Variants in TAFA2 observed in about 807,000 individuals in gnomAD.
TAFA2 encodes the protein TAFA chemokine like family member 2.
Under a neutral mutation model 18.8 loss-of-function variants are expected in TAFA2, and 7 were observed. The ratio of observed to expected loss-of-function variants is 0.37; its 90% confidence interval spans 0.21 to 0.70. The LOEUF (loss-of-function observed/expected upper bound fraction) is 0.70, where lower values mean the gene tolerates loss of function less well. TAFA2 is among the 30% of genes least tolerant of loss of function. TAFA2 has a pLI of 0.53. For missense variants in TAFA2, 122 were observed against 158.1 expected, an observed-to-expected ratio of 0.77 and a Z score of 1.23; for synonymous variants, 60 against 54.2, an observed-to-expected ratio of 1.11 and a Z score of -0.47.
rs147310897 is a variant in TAFA2 at position 62,086,265 on chromosome 12, C to A, written c.-2+104994G>T. Reference sequence around the variant, plus strand: ...GATTGTTTGGATATGACATCAAAAGCAGAGGCAACAGAAGAAAAAAATAGG... The same window carrying A: ...GATTGTTTGGATATGACATCAAAAGAAGAGGCAACAGAAGAAAAAAATAGG... On this transcript the variant is annotated intron_variant, in intron 1 of 4. Coordinates refer to ENST00000416284, the MANE Select transcript of TAFA2 (RefSeq NM_178539.5). 2.0e-3 allele frequency among the ~76,000 whole-genome samples: 299 copies of A among 151,280 alleles called. 1 individual carries two copies. The highest frequency in any genetic ancestry group is 6.6e-3 in the African/African-American group (273 of 41,322).
chr12:62,170,827 T>C (rs1248372979), intron 1 of TAFA2, among the ~76,000 whole-genome samples: 5 of 152,206 alleles, frequency 3.3e-5, no homozygotes, highest in Admixed American at 3.3e-4. Context: ...CTACACTCTG[T>C]GTTCATGTGT....
intron 2 of TAFA2, among the ~76,000 whole-genome samples, chr12:61,782,514 G>A (rs1316017487): frequency 6.6e-6 from 1 of 151,546 alleles, no homozygotes; most frequent in Non-Finnish European, 1.5e-5. Flanking sequence ...GATGTCTTTT[G>A]TCTCCCCAAA....
intron 1 of TAFA2, among the ~76,000 whole-genome samples, chr12:62,216,918 C>A (rs925324414): frequency 6.6e-6 from 1 of 152,152 alleles, no homozygotes; most frequent in Admixed American, 6.5e-5. Context: ...CATATGCATT[C>A]CAGAGTGCGG....
intron 1 of TAFA2, among the ~76,000 whole-genome samples, chr12:62,053,250 CA>C (rs1882102240): frequency 6.6e-6 from 1 of 152,052 alleles, no homozygotes; most frequent in Non-Finnish European, 1.5e-5. Context: ...TGCTACAACC[CA>C]GAGTAATATT....
intron 1 of TAFA2, chr12:62,145,781 CT>C (rs2062276158): frequency 6.6e-6 from 1 of 152,216 alleles, no homozygotes; most frequent in Admixed American, 6.5e-5. Flanking sequence ...AATTCTCTAG[CT>C]GATTCAGCAA....
chr12:61,887,825 A>G (rs1875455912), intron 1 of TAFA2, among the ~76,000 whole-genome samples: 1 of 151,444 alleles, frequency 6.6e-6, no homozygotes, highest in South Asian at 2.1e-4. Flanking sequence ...TTCTTAATCC[A>G]GTCTATCGTT....
intron 2 of TAFA2, among the ~76,000 whole-genome samples, chr12:61,773,867 T>TA (rs1437825888): frequency 4.6e-5 from 7 of 151,960 alleles, no homozygotes; most frequent in Non-Finnish European, 7.4e-5. Context: ...TTAATTAAAC[T>TA]AAAAAGCTTC....
intron 1 of TAFA2, among the ~76,000 whole-genome samples, chr12:62,113,370 G>A (rs529949773): frequency 6.6e-6 from 1 of 152,152 alleles, no homozygotes; most frequent in Non-Finnish European, 1.5e-5. Flanking sequence ...TCATCCCAGA[G>A]AGCCACCCAC....
intron 4 of TAFA2, among the ~76,000 whole-genome samples, chr12:61,749,114 A>T (rs1339640979): frequency 1.3e-5 from 2 of 151,766 alleles, no homozygotes; most frequent in Non-Finnish European, 2.9e-5. Context: ...AAAAATAAAA[A>T]AAAAAAAAAA....
At chr12:61,870,182 T>A (rs1874537938) in intron 1 of TAFA2, among the ~76,000 whole-genome samples, 1 of 152,200 alleles carries the variant, frequency 6.6e-6, no homozygotes, top group Non-Finnish European at 1.5e-5. Flanking sequence ...TTTCGTAACA[T>A]CGTCACTCCT....
chr12:61,760,881 A>T (rs959595514), intron 2 of TAFA2, among the ~76,000 whole-genome samples: 18 of 151,988 alleles, frequency 1.2e-4, no homozygotes, highest in Admixed American at 5.9e-4. Flanking sequence ...CAAAAAAAAA[A>T]AAAAAATTCT....
At chr12:62,002,138 G>A (rs559652991) in intron 1 of TAFA2, among the ~76,000 whole-genome samples, 2 of 152,164 alleles carry the variant, frequency 1.3e-5, no homozygotes, top group South Asian at 2.1e-4. Flanking sequence ...CTGCAATTAG[G>A]TCCTGTAGTG....
chr12:61,947,466 T>A (rs918505241), intron 1 of TAFA2, among the ~76,000 whole-genome samples: 6 of 149,894 alleles, frequency 4.0e-5, no homozygotes. Context: ...ATTTAAAAAA[T>A]AAATAAATAA....
At chr12:62,241,273 ACTATCC>A (rs1481300611) in intron 1 of TAFA2, among the ~76,000 whole-genome samples, 1 of 152,192 alleles carries the variant, frequency 6.6e-6, no homozygotes. Context: ...TTGGACTGTA[ACTATCC>A]CTATTTTTCT....
chr12:61,739,831 T>C (rs1312197966), intron 4 of TAFA2, among the ~76,000 whole-genome samples: 1 of 152,062 alleles, frequency 6.6e-6, no homozygotes, highest in East Asian at 1.9e-4. Flanking sequence ...GGGGTTGAGA[T>C]TTCTAATCAT....
rs1869240096 is a variant in TAFA2 at position 61,708,384 on chromosome 12, C to A, written c.*2022G>T. 1 of 151,790 alleles carries A rather than the reference C, an allele frequency of 6.6e-6. No individual in the cohort carries two copies. Among genetic ancestry groups the A allele is most frequent in the Non-Finnish European group, 1.5e-5 (1 of 67,922 alleles). The allele number at this position is 151,790 out of a possible 1,614,324, so 9.4% of individuals were successfully genotyped here. ...TTCCATGTTTTTTTTCTATTATATG[C>A]ATGTATTACACTTGTATATAATACA... On this transcript the variant is annotated 3_prime_UTR_variant, in exon 5 of 5. Transcript: ENST00000416284.
intron 2 of TAFA2, among the ~76,000 whole-genome samples, chr12:61,839,899 G>T (rs1247322116): frequency 6.6e-6 from 1 of 151,970 alleles, no homozygotes. Context: ...ATAAGAGAAG[G>T]ATCAGAGTCA....
At chr12:61,726,178 G>A (rs773282495) in intron 4 of TAFA2, among the ~76,000 whole-genome samples, 1 of 151,662 alleles carries the variant, frequency 6.6e-6, no homozygotes, top group Non-Finnish European at 1.5e-5. Context: ...TTTAAGAGTA[G>A]AATAACTTTT....
In TAFA2 at chr12:61,710,421, C is replaced by A. The variant is rs1869344297; in HGVS notation, c.385-4G>T. 1 of 1,605,294 alleles carries A rather than the reference C, an allele frequency of 6.2e-7. No homozygotes were observed. Among genetic ancestry groups the A allele is most frequent in the African/African-American group, 1.3e-5 (1 of 74,656 alleles). ...TTCTCCTGGGTTAATGGGTTACCTA[C>A]AAAGGAAGGAGAAAATATAGTCAAC... On this transcript the variant is annotated splice_polypyrimidine_tract_variant and splice_region_variant and intron_variant, in intron 4 of 4. Transcript: ENST00000416284.
Sources: gnomAD v4.1 joint callset for allele counts (sites outside exome capture counted in the v4.1 genomes callset) on GRCh38, gnomAD v4.1.1 for gene constraint, MANE v1.5 for transcripts, NCBI Gene and HGNC (gene_info 2026-07-23, HGNC 2026-07-21) for gene names.